Variants in KAZN observed in about 807,000 individuals in gnomAD.
The protein encoded by KAZN is kazrin, periplakin interacting protein.
Under a neutral mutation model 87.4 loss-of-function variants are expected in KAZN, and 40 were observed. The observed-to-expected ratio is 0.46, with a 90% CI of 0.36 to 0.60. KAZN has a LOEUF of 0.60. Among genes scored for constraint, KAZN ranks in the 20% least tolerant of loss-of-function variants. The pLI is 0.00. For missense variants in KAZN, 898 were observed against 1,073.9 expected, an observed-to-expected ratio of 0.84 and a Z score of 2.29; for synonymous variants, 466 against 458.3, an observed-to-expected ratio of 1.02 and a Z score of -0.22.
intron 1 of KAZN, among the ~76,000 whole-genome samples, chr1:14,930,489 T>C (rs1214196753): frequency 6.6e-6 from 1 of 152,128 alleles, no homozygotes; most frequent in Non-Finnish European, 1.5e-5. Flanking sequence ...AGAATGTGGA[T>C]TTTCGCTCAG....
At chr1:13,936,301 C>T (rs368419284) in intron 1 of KAZN, among the ~76,000 whole-genome samples, 26 of 151,442 alleles carry the variant, frequency 1.7e-4, no homozygotes, top group African/African-American at 6.1e-4. Context: ...AGAGTTTCTC[C>T]GTGTTGGTCA....
chr1:15,034,725 A>G (rs1257754953), intron 2 of KAZN, 24 bp from the exon 3 acceptor site: 1 of 1,613,730 alleles, frequency 6.2e-7, no homozygotes, highest in Non-Finnish European at 8.5e-7. Flanking sequence ...GGTCTTGGGA[A>G]CTAACTCTCT....
chr1:14,020,387 T>G (rs1460670332), intron 1 of KAZN, among the ~76,000 whole-genome samples: 1 of 152,188 alleles, frequency 6.6e-6, no homozygotes, highest in Non-Finnish European at 1.5e-5. Flanking sequence ...TTAGGCTAGA[T>G]GATCACTCTC....
intron 1 of KAZN, among the ~76,000 whole-genome samples, chr1:14,785,284 C>T (rs1645475515): frequency 6.6e-6 from 1 of 152,152 alleles, no homozygotes; most frequent in African/African-American, 2.4e-5. Flanking sequence ...CCCAACCTTC[C>T]CTTGGGAACT....
rs775642944 is a variant in KAZN, at chr1:14,960,749, A to G, written c.292A>G (p.Met98Val). ...TCACCTTCTCCGGCAGATGAAGGAG[A>G]TGTTGGCGAAGGACCTGGAGGAGTC... ...EVHLLRQMKE[M>V]LAKDLEESQG... Residue 98 changes from methionine (M) to valine (V), a missense_variant, in exon 2 of 15, where the codon ATG becomes GTG. Coordinates refer to ENST00000376030, the MANE Select transcript of KAZN (RefSeq NM_201628.3). 3 of 1,598,482 alleles carry G rather than the reference A, an allele frequency of 1.9e-6. No homozygotes were observed. The South Asian group carries it at 3.4e-5, about 18-fold the overall frequency.
intron 2 of KAZN, among the ~76,000 whole-genome samples, chr1:14,309,893 A>G (rs1315868398): frequency 6.6e-6 from 1 of 151,698 alleles, no homozygotes; most frequent in Admixed American, 6.6e-5. Flanking sequence ...AAAAAAAAAA[A>G]TTCTGCAGGG....
In KAZN at chr1:15,099,843, CGCCT is replaced by C. The variant is rs1335047056; in HGVS notation, c.1548-1697_1548-1694del. ...AAGTGGCAGAAACCCACACCAGAGA[CGCCT>C]GCAGCTTAGAGCTGGGAAAGGAGAG... is the stretch of plus-strand genomic sequence containing the variant. On this transcript the variant is annotated intron_variant, in intron 10 of 14. Transcript: ENST00000376030. This position sits in a 1 kb window ranked among gnomAD's most constrained non-coding sequence, Gnocchi z 5.4. 6.6e-6 allele frequency among the ~76,000 whole-genome samples: 1 copy of C among 152,134 alleles called. No homozygotes were observed. The highest frequency in any genetic ancestry group is 1.5e-5 in the Non-Finnish European group (1 of 68,034).
intron 2 of KAZN, among the ~76,000 whole-genome samples, chr1:14,985,923 A>T (rs866073438): frequency 6.6e-6 from 1 of 150,592 alleles, no homozygotes; most frequent in African/African-American, 2.5e-5. Flanking sequence ...AAATCACTTG[A>T]ACCCAGGAGG....
chr1:14,030,635 TACACACACACACACACACACAC>T (rs60838104), intron 1 of KAZN, among the ~76,000 whole-genome samples: 18 of 145,024 alleles, frequency 1.2e-4, no homozygotes, highest in African/African-American at 4.6e-4. Context: ...TGTACACAGA[TACACACACACACACACACACAC>T]ACACACACAC....
intron 1 of KAZN, among the ~76,000 whole-genome samples, chr1:14,165,004 T>C (rs1294203931): frequency 1.3e-5 from 2 of 152,236 alleles, no homozygotes; most frequent in African/African-American, 2.4e-5. Context: ...GGCAATTCAA[T>C]TGAAGCATGA....
Position 15,034,399 on chromosome 1 carries a change from C to G in KAZN, c.419-350C>G, listed in dbSNP as rs575818461. The stretch of plus-strand genomic sequence containing the variant: ...TTCCTTTTGAGAGGGAACTGAGGCC[C>G]TGTCCGATTCCTGAGCCATGGGCCC... On this transcript the variant is annotated intron_variant, in intron 2 of 14. Coordinates refer to ENST00000376030, the MANE Select transcript of KAZN (RefSeq NM_201628.3). Among the ~76,000 whole-genome samples the G allele has an allele frequency of 2.0e-5, 3 of 152,332 alleles. 1 individual carries two copies. The South Asian group carries it at 6.2e-4, about 32-fold the overall frequency.
At chr1:14,374,382 A>G (rs1660735527) in intron 2 of KAZN, among the ~76,000 whole-genome samples, 1 of 152,196 alleles carries the variant, frequency 6.6e-6, no homozygotes, top group Admixed American at 6.5e-5. Flanking sequence ...AGTCTCAAGT[A>G]CCATCCCTGT....
At chr1:14,656,102 C>T (rs1166621394) in intron 1 of KAZN, among the ~76,000 whole-genome samples, 2 of 152,138 alleles carry the variant, frequency 1.3e-5, no homozygotes, top group Non-Finnish European at 2.9e-5. Context: ...CTCAGATGTT[C>T]CTCAGAGACA....
intron 1 of KAZN, among the ~76,000 whole-genome samples, chr1:13,971,339 G>A (rs1298074545): frequency 6.6e-6 from 1 of 152,204 alleles, no homozygotes; most frequent in African/African-American, 2.4e-5. Flanking sequence ...ACAGGACTGA[G>A]TGAAGAATCA....
At chr1:14,398,190 G>A (rs1663063453) in intron 2 of KAZN, among the ~76,000 whole-genome samples, 1 of 152,188 alleles carries the variant, frequency 6.6e-6, no homozygotes, top group African/African-American at 2.4e-5. Context: ...TGAGTTAGTT[G>A]GTTATGCAAC....
intron 2 of KAZN, among the ~76,000 whole-genome samples, chr1:14,234,623 G>A (rs1429712713): frequency 6.6e-6 from 1 of 152,128 alleles, no homozygotes; most frequent in African/African-American, 2.4e-5. Context: ...AATTGAACAT[G>A]AAGATCTGTG....
intron 7 of KAZN, among the ~76,000 whole-genome samples, chr1:15,063,923 A>G (rs954637825): frequency 6.6e-6 from 1 of 152,112 alleles, no homozygotes; most frequent in African/African-American, 2.4e-5. Flanking sequence ...CTGGAGTCTC[A>G]GGTGGGCTGG....
At chr1:14,561,086 C>A (rs1262644083) in intron 2 of KAZN, among the ~76,000 whole-genome samples, 1 of 152,130 alleles carries the variant, frequency 6.6e-6, no homozygotes, top group African/African-American at 2.4e-5. Context: ...TTGGTTCCAT[C>A]GGCACCATCA....
intron 1 of KAZN, among the ~76,000 whole-genome samples, chr1:14,933,187 G>A (rs1660047204): frequency 6.6e-6 from 1 of 152,150 alleles, no homozygotes. Context: ...TGCCTCCTGG[G>A]TTCAAGCGAT....
Sources: gnomAD v4.1 joint callset for allele counts (sites outside exome capture counted in the v4.1 genomes callset) on GRCh38, gnomAD v4.1.1 for gene constraint, Gnocchi (gnomAD v3.1) non-coding constraint, MANE v1.5 for transcripts, NCBI Gene and HGNC (gene_info 2026-07-23, HGNC 2026-07-21) for gene names.